LLPH: variants seen among roughly 807,000 people sequenced by gnomAD.
The protein encoded by LLPH is LLP homolog, long-term synaptic facilitation factor, also known as protein LLP homolog.
LLPH carries 5 observed loss-of-function variants against 13.3 expected under a neutral mutation model. That is an observed-to-expected ratio of 0.38 (90% CI 0.20 to 0.79). The LOEUF (loss-of-function observed/expected upper bound fraction) is 0.79, where lower values mean the gene tolerates loss of function less well. Among genes scored for constraint, LLPH ranks in the 30% least tolerant of loss-of-function variants. LLPH has a pLI of 0.45. For missense variants in LLPH, 129 were observed against 152.1 expected, an observed-to-expected ratio of 0.85 and a Z score of 0.80; for synonymous variants, 32 against 44.2, an observed-to-expected ratio of 0.72 and a Z score of 1.09.
chr12:66,126,935 A>G (rs970197553), intron 2 of LLPH, among the ~76,000 whole-genome samples: 1 of 152,240 alleles, frequency 6.6e-6, no homozygotes, highest in East Asian at 1.9e-4. Flanking sequence ...TCTCAAAAAA[A>G]AAAAACAAAA....
intron 2 of LLPH, among the ~76,000 whole-genome samples, chr12:66,125,071 G>A (rs1271694041): frequency 6.6e-6 from 1 of 151,938 alleles, no homozygotes; most frequent in Admixed American, 6.6e-5. Flanking sequence ...CTGTCTCCCC[G>A]CAAAAAAAAG....
intron 2 of LLPH, 30 bp downstream of exon 2, chr12:66,128,866 A>AG (rs2051513925): frequency 1.4e-6 from 2 of 1,474,878 alleles, no homozygotes; most frequent in African/African-American, 1.4e-5. Context: ...AAAAAAAAAA[A>AG]AGAGAAAGAA....
chr12:66,123,887 T>C lies in LLPH; in HGVS notation c.343A>G (p.Lys115Glu), dbSNP rs1196927365. ...ACTTTCACTGCTTTTGCTTTGCTTTTCCCCTTTCTTTTCTCTCGCTTTGCC... is the reference window on the plus strand; with the variant it reads ...ACTTTCACTGCTTTTGCTTTGCTTTCCCCCTTTCTTTTCTCTCGCTTTGCC... ...LKAKREKRKG[K>E]SKAKAVKVAK... Residue 115 changes from lysine (K) to glutamate (E), a missense_variant, in exon 3 of 3, where the codon AAA becomes GAA. Transcript: ENST00000266604. 1.2e-6 allele frequency: 2 copies of C among 1,612,320 alleles called. No individual in the cohort carries two copies. Among genetic ancestry groups the C allele is most frequent in the Non-Finnish European group, 1.7e-6 (2 of 1,179,824 alleles).
In LLPH at chr12:66,117,711, C is replaced by T. The variant is rs1430892249; in HGVS notation, c.*6129G>A. ...GTTGCTCTCATAGGAGATGGCAACT[C>T]CATGCCTGTTATTGCCCCTGAAGGC... On this transcript the variant is annotated 3_prime_UTR_variant, in exon 3 of 3. Coordinates refer to ENST00000266604, the MANE Select transcript of LLPH (RefSeq NM_032338.4). 6.6e-6 allele frequency: 1 copy of T among 152,154 alleles called. No homozygotes were observed. Among genetic ancestry groups the T allele is most frequent in the Non-Finnish European group, 1.5e-5 (1 of 68,036 alleles). The allele number at this position is 152,154 out of a possible 1,614,324, so 9.4% of individuals were successfully genotyped here.
chr12:66,127,826 CTTTCT>C (rs955829504), intron 2 of LLPH, among the ~76,000 whole-genome samples: 1 of 152,176 alleles, frequency 6.6e-6, no homozygotes, highest in African/African-American at 2.4e-5. Context: ...ATTTTTCTTT[CTTTCT>C]TTTGACATTG....
intron 1 of LLPH, among the ~76,000 whole-genome samples, chr12:66,129,444 G>T (rs570562906): frequency 8.6e-5 from 13 of 150,638 alleles, no homozygotes; most frequent in African/African-American, 2.9e-4. Context: ...GGAGTGCAGT[G>T]GCGCGATCTC....
chr12:66,123,726 T>A lies in LLPH; in HGVS notation c.*114A>T. The A allele has an allele frequency of 8.3e-7, 1 of 1,211,406 alleles. No homozygotes were observed. The highest frequency in any genetic ancestry group is 1.5e-5 in the African/African-American group (1 of 65,650). The allele number at this position is 1,211,406 out of a possible 1,614,324, so 75.0% of individuals were successfully genotyped here. A position where few individuals can be genotyped will look rare whatever the true frequency, so the allele number is the denominator to read the frequency against. ...TTGAATTGAAGAAAAAAGGCCAAGT[T>A]AAAATAGGAAAACAAATGGTTTTCA... On this transcript the variant is annotated 3_prime_UTR_variant, in exon 3 of 3. Coordinates refer to ENST00000266604, the MANE Select transcript of LLPH (RefSeq NM_032338.4).
At chr12:66,125,096 G>C (rs2051488089) in intron 2 of LLPH, among the ~76,000 whole-genome samples, 1 of 152,074 alleles carries the variant, frequency 6.6e-6, no homozygotes, top group South Asian at 2.1e-4. Flanking sequence ...GGTAGGCGCT[G>C]GTAAGAACAT....
At position 66,118,101 on chromosome 12, in the gene LLPH, C is replaced by A. The variant is rs1266251469; in HGVS notation, c.*5739G>T. 1 of 152,190 alleles carries A rather than the reference C, an allele frequency of 6.6e-6. No individual in the cohort carries two copies. The highest frequency in any genetic ancestry group is 2.4e-5 in the African/African-American group (1 of 41,436). 9.4% of individuals were successfully genotyped at this position (152,190 alleles called of 1,614,324 possible). A position where few individuals can be genotyped will look rare whatever the true frequency, so the allele number is the denominator to read the frequency against. On this transcript the variant is annotated 3_prime_UTR_variant, in exon 3 of 3. Transcript: ENST00000266604. Reference sequence around the variant, plus strand: ...ACAGCAGGCCGAGTACAGTGGCTCACGCCTGTAATCGCAGCACTTTGGGAG... The same window carrying A: ...ACAGCAGGCCGAGTACAGTGGCTCAAGCCTGTAATCGCAGCACTTTGGGAG...
chr12:66,123,960 A>C lies in LLPH; in HGVS notation c.270T>G (p.His90Gln). The change falls in exon 3 of 3, where the codon CAT becomes CAG. Residue 90 changes from histidine to glutamine, a missense_variant. His to Gln is a conservative substitution (Grantham distance 24). Transcript: ENST00000266604. ...GGTTCATCCATATTGGGTACTGTCC[A>C]TGCTGGTCTAGAAGAGTCTTTTTGT... ...KRNKKTLLDQ[H>Q]GQYPIWMNQR... 1 of 1,612,892 alleles carries C rather than the reference A, an allele frequency of 6.2e-7. No homozygotes were observed.
At position 66,120,172 on chromosome 12, in the gene LLPH, G is replaced by C. The variant is rs2051454238; in HGVS notation, c.*3668C>G. 6.6e-6 allele frequency: 1 copy of C among 152,182 alleles called. No homozygotes were observed. Among genetic ancestry groups the C allele is most frequent in the South Asian group, 2.1e-4 (1 of 4,818 alleles). 9.4% of individuals were successfully genotyped at this position (152,182 alleles called of 1,614,324 possible). ...ACCTGAGGAAATCCAGTCTGCCTTA[G>C]GCCTAGAGATTTGAGGAGGGTTCTG... On this transcript the variant is annotated 3_prime_UTR_variant, in exon 3 of 3. Coordinates refer to ENST00000266604, the MANE Select transcript of LLPH (RefSeq NM_032338.4).
intron 2 of LLPH, among the ~76,000 whole-genome samples, chr12:66,127,544 T>TA (rs2051505096): frequency 6.6e-6 from 1 of 152,154 alleles, no homozygotes; most frequent in Non-Finnish European, 1.5e-5. Context: ...TAATGGGTAT[T>TA]AAGTTTCCTT....
At position 66,118,843 on chromosome 12, in the gene LLPH, T is replaced by A. The variant is rs1048102023; in HGVS notation, c.*4997A>T. ...CCAGTTTATGTAAGCGATTCGAGCA[T>A]CTGTGGATTTTGGTATCTGTGAAGA... On this transcript the variant is annotated 3_prime_UTR_variant, in exon 3 of 3. Transcript: ENST00000266604. 1 of 152,158 alleles carries A rather than the reference T, an allele frequency of 6.6e-6. No individual in the cohort carries two copies. Among genetic ancestry groups the A allele is most frequent in the Non-Finnish European group, 1.5e-5 (1 of 68,024 alleles). 9.4% of individuals were successfully genotyped at this position (152,158 alleles called of 1,614,324 possible). A position where few individuals can be genotyped will look rare whatever the true frequency, so the allele number is the denominator to read the frequency against.
Position 66,123,657 on chromosome 12 carries a change from T to C in LLPH, c.*183A>G. ...GAGCTTGGATGTATCAAAGAAAATA[T>C]TTTATTCAAGTTCCCAAAACAAACT... On this transcript the variant is annotated 3_prime_UTR_variant, in exon 3 of 3. Transcript: ENST00000266604. 1 of 613,564 alleles carries C rather than the reference T, an allele frequency of 1.6e-6. No individual in the cohort carries two copies. 38.0% of individuals were successfully genotyped at this position (613,564 alleles called of 1,614,324 possible). A position where few individuals can be genotyped will look rare whatever the true frequency, so the allele number is the denominator to read the frequency against.
At chr12:66,127,293 A>G (rs1244080569) in intron 2 of LLPH, among the ~76,000 whole-genome samples, 3 of 152,266 alleles carry the variant, frequency 2.0e-5, no homozygotes, top group Non-Finnish European at 4.4e-5. Flanking sequence ...TTGAATGGAT[A>G]TGAAACGTGG....
chr12:66,118,683 T>C lies in LLPH; in HGVS notation c.*5157A>G, dbSNP rs2051444651. 6.6e-6 allele frequency: 1 copy of C among 152,186 alleles called. No individual in the cohort carries two copies. The highest frequency in any genetic ancestry group is 2.1e-4 in the South Asian group (1 of 4,832). The allele number at this position is 152,186 out of a possible 1,614,324, so 9.4% of individuals were successfully genotyped here. A position where few individuals can be genotyped will look rare whatever the true frequency, so the allele number is the denominator to read the frequency against. On this transcript the variant is annotated 3_prime_UTR_variant, in exon 3 of 3. Coordinates refer to ENST00000266604, the MANE Select transcript of LLPH (RefSeq NM_032338.4). Reference sequence around the variant, plus strand: ...GTAGACGATACCCTCTAGATTTGTGTAAGTACAGTCTATGATATTCACACA... The same window carrying C: ...GTAGACGATACCCTCTAGATTTGTGCAAGTACAGTCTATGATATTCACACA...
rs1260211545 is a variant in LLPH at position 66,122,783 on chromosome 12, TA to T, written c.*1056del. 1 of 149,702 alleles carries T rather than the reference TA, an allele frequency of 6.7e-6. No homozygotes were observed. The highest frequency in any genetic ancestry group is 1.5e-5 in the Non-Finnish European group (1 of 67,708). 9.3% of individuals were successfully genotyped at this position (149,702 alleles called of 1,614,324 possible). On this transcript the variant is annotated 3_prime_UTR_variant, in exon 3 of 3. Coordinates refer to ENST00000266604, the MANE Select transcript of LLPH (RefSeq NM_032338.4). Reference sequence around the variant, plus strand: ...TTCCCAAATCGATGTGAACACAATTTATTTTTTTTAACCAAGCATCCAGAGG... The same window carrying T: ...TTCCCAAATCGATGTGAACACAATTTTTTTTTTTAACCAAGCATCCAGAGG...
At position 66,118,002 on chromosome 12, in the gene LLPH, CTAAAGT is replaced by C. The variant is rs1375634700; in HGVS notation, c.*5832_*5837del. 16 of 152,144 alleles carry C rather than the reference CTAAAGT, an allele frequency of 1.1e-4. No individual in the cohort carries two copies. Among genetic ancestry groups the C allele is most frequent in the Middle Eastern group, 3.4e-3 (1 of 294 alleles). 9.4% of individuals were successfully genotyped at this position (152,144 alleles called of 1,614,324 possible). A position where few individuals can be genotyped will look rare whatever the true frequency, so the allele number is the denominator to read the frequency against. ...TATAAGGTAAAAAAGTTACAGGAAG[CTAAAGT>C]TAATTTATTATTGAAGAAAGTTTTT... On this transcript the variant is annotated 3_prime_UTR_variant, in exon 3 of 3. Transcript: ENST00000266604.
intron 2 of LLPH, 39 bp downstream of exon 2, chr12:66,128,857 A>C: frequency 5.4e-6 from 8 of 1,475,904 alleles, no homozygotes; most frequent in Non-Finnish European, 7.4e-6. Flanking sequence ...TCAAAAAAAA[A>C]AAAAAAAAAA....
Sources: allele counts gnomAD v4.1 joint callset (sites outside exome capture counted in the v4.1 genomes callset), GRCh38; gene constraint gnomAD v4.1.1; transcripts MANE v1.5; gene names NCBI Gene and HGNC (gene_info 2026-07-23, HGNC 2026-07-21).